The following SLC24A3 variants were observed in gnomAD, a reference collection of about 807,000 sequenced individuals.
The protein encoded by SLC24A3 is solute carrier family 24 member 3, also known as sodium/potassium/calcium exchanger 3.
Under a neutral mutation model 75.8 loss-of-function variants are expected in SLC24A3, and 28 were observed. That is an observed-to-expected ratio of 0.37 (90% confidence interval 0.27 to 0.51). The LOEUF (loss-of-function observed/expected upper bound fraction) is 0.51. Ranked by LOEUF, SLC24A3 falls within the 20% of genes least tolerant of loss-of-function variation. The pLI is 0.94. For missense variants in SLC24A3, 663 were observed against 847.8 expected, an observed-to-expected ratio of 0.78 and a Z score of 2.71; for synonymous variants, 372 against 334.1, an observed-to-expected ratio of 1.11 and a Z score of -1.24.
At chr20:19,610,534 T>A (rs2031659226) in intron 6 of SLC24A3, among the ~76,000 whole-genome samples, 1 of 152,234 alleles carries the variant, frequency 6.6e-6, no homozygotes. Context: ...CATCAAGTTT[T>A]GTATTCCCCA....
intron 1 of SLC24A3, among the ~76,000 whole-genome samples, chr20:19,221,003 C>T (rs930720429): frequency 4.6e-5 from 7 of 152,186 alleles, no homozygotes; most frequent in African/African-American, 1.4e-4. Flanking sequence ...TGTTTTTCTG[C>T]TTCATTTTCT....
At chr20:19,576,838 A>G (rs1325076450) in intron 3 of SLC24A3, among the ~76,000 whole-genome samples, 1 of 152,158 alleles carries the variant, frequency 6.6e-6, no homozygotes, top group Non-Finnish European at 1.5e-5. Context: ...CAGCTATGGA[A>G]CAGCTTATTT....
At chr20:19,605,180 G>A (rs1210174992) in intron 6 of SLC24A3, among the ~76,000 whole-genome samples, 2 of 152,220 alleles carry the variant, frequency 1.3e-5, no homozygotes, top group Admixed American at 1.3e-4. Context: ...GATGGTCAAA[G>A]ATCAAGCAAA....
At chr20:19,595,592 G>A (rs6075538) in intron 6 of SLC24A3, among the ~76,000 whole-genome samples, 53,260 of 152,008 alleles carry the variant, frequency 0.35, 9,538 homozygotes, top group Middle Eastern at 0.44. Context: ...TCATGAAACC[G>A]AATTATTGAT....
chr20:19,378,982 T>A (rs1456626665), intron 2 of SLC24A3, among the ~76,000 whole-genome samples: 1 of 151,790 alleles, frequency 6.6e-6, no homozygotes, highest in Non-Finnish European at 1.5e-5. Flanking sequence ...TTTTAAAAAG[T>A]CAAGGGAATG....
intron 2 of SLC24A3, among the ~76,000 whole-genome samples, chr20:19,349,321 C>G (rs761445927): frequency 6.6e-6 from 1 of 152,174 alleles, no homozygotes; most frequent in Non-Finnish European, 1.5e-5. Context: ...CTGAGTGTCC[C>G]CTTCTGCAGA....
intron 1 of SLC24A3, among the ~76,000 whole-genome samples, chr20:19,247,765 A>G (rs1276905615): frequency 1.3e-5 from 2 of 152,370 alleles, no homozygotes; most frequent in Non-Finnish European, 2.9e-5. Context: ...AAGTTACTAC[A>G]CTTAATTTCT....
intron 2 of SLC24A3, among the ~76,000 whole-genome samples, chr20:19,406,895 T>G (rs1461717974): frequency 6.6e-6 from 1 of 152,138 alleles, no homozygotes; most frequent in Non-Finnish European, 1.5e-5. Context: ...AAGACACAAG[T>G]GTAATCCCTG....
At chr20:19,523,060 C>T (rs1326341666) in intron 3 of SLC24A3, among the ~76,000 whole-genome samples, 3 of 152,196 alleles carry the variant, frequency 2.0e-5, no homozygotes, top group South Asian at 4.2e-4. Context: ...GCCAAAAGAC[C>T]GTTAAAACTG....
rs564112181 is a variant in SLC24A3, at chr20:19,536,607, G to A, written c.348+21043G>A. Among the ~76,000 whole-genome samples, 21 of 152,250 alleles carry A rather than the reference G, an allele frequency of 1.4e-4. No individual in the cohort carries two copies. In the South Asian group the frequency reaches 2.7e-3, roughly 20 times the overall value. ...AAAAGAACAAAGCTGGAGGCATCAC[G>A]CTACCTGACTTCAAACTATACTACA... On this transcript the variant is annotated intron_variant, in intron 3 of 16. Coordinates refer to ENST00000328041, the MANE Select transcript of SLC24A3 (RefSeq NM_020689.4).
At chr20:19,628,257 T>A (rs2031891468) in intron 6 of SLC24A3, among the ~76,000 whole-genome samples, 1 of 150,686 alleles carries the variant, frequency 6.6e-6, no homozygotes, top group South Asian at 2.1e-4. Flanking sequence ...AATCTCAGCC[T>A]GCAGAAGTGA....
chr20:19,572,231 A>G (rs536019196), intron 3 of SLC24A3, among the ~76,000 whole-genome samples: 2 of 152,334 alleles, frequency 1.3e-5, no homozygotes, highest in East Asian at 1.9e-4. Flanking sequence ...CTGTAGCCCT[A>G]GCTACTCAGG....
Position 19,642,396 on chromosome 20 carries a change from T to C in SLC24A3, c.613-11666T>C, listed in dbSNP as rs147887234. Among the ~76,000 whole-genome samples the C allele has an allele frequency of 6.8e-3, 1,042 of 152,316 alleles. 8 individuals are homozygous for C. The highest frequency in any genetic ancestry group is 0.011 in the Non-Finnish European group (753 of 68,032). ...GAGCATCTGTTATGGATAAATATTA[T>C]CATTCCAGGTGGAAAACTGAAATGA... On this transcript the variant is annotated intron_variant, in intron 6 of 16. Transcript: ENST00000328041.
chr20:19,659,701 G>A (rs576292235), intron 7 of SLC24A3, among the ~76,000 whole-genome samples: 8 of 152,100 alleles, frequency 5.3e-5, no homozygotes, highest in Non-Finnish European at 7.4e-5. Context: ...GTAATACCTC[G>A]AGTTTGCCAG....
intron 2 of SLC24A3, among the ~76,000 whole-genome samples, chr20:19,314,793 T>A (rs966724682): frequency 2.0e-5 from 3 of 152,224 alleles, no homozygotes; most frequent in Admixed American, 6.5e-5. Flanking sequence ...AAGCTTGTCA[T>A]AACACACCTT....
intron 2 of SLC24A3, among the ~76,000 whole-genome samples, chr20:19,488,924 T>C (rs1988167319): frequency 6.6e-6 from 1 of 152,190 alleles, no homozygotes; most frequent in South Asian, 2.1e-4. Flanking sequence ...ATGTCACTGA[T>C]CCAAAGTCAG....
intron 12 of SLC24A3, 95 bp from the exon 13 acceptor site, chr20:19,693,164 G>A (rs2032764808): frequency 7.6e-7 from 1 of 1,308,464 alleles, no homozygotes; most frequent in South Asian, 1.6e-5. Context: ...TCTGGGGAAA[G>A]CAGTACAGAC....
At chr20:19,313,091 C>T (rs1984500836) in intron 2 of SLC24A3, among the ~76,000 whole-genome samples, 1 of 120,800 alleles carries the variant, frequency 8.3e-6, no homozygotes, top group Non-Finnish European at 1.6e-5. Context: ...GGCTTGAGTG[C>T]AATGGCAGGA....
intron 2 of SLC24A3, among the ~76,000 whole-genome samples, chr20:19,317,167 A>T (rs1268376676): frequency 6.6e-6 from 1 of 152,210 alleles, no homozygotes; most frequent in African/African-American, 2.4e-5. Flanking sequence ...ACAAAAATCA[A>T]TTCCAGATGG....
Sources: gnomAD v4.1 joint callset for allele counts (sites outside exome capture counted in the v4.1 genomes callset) on GRCh38, gnomAD v4.1.1 for gene constraint, MANE v1.5 for transcripts, NCBI Gene and HGNC (gene_info 2026-07-23, HGNC 2026-07-21) for gene names.